CLEC1A: variants seen among roughly 807,000 people sequenced by gnomAD.
CLEC1A encodes C-type lectin domain family 1 member A, also known as C-type lectin-like receptor-1.
A neutral mutation model predicts 28.7 loss-of-function variants in CLEC1A; 34 were observed. That is an observed-to-expected ratio of 1.18 (90% CI 0.90 to 1.57). The LOEUF (loss-of-function observed/expected upper bound fraction) is 1.57, where lower values mean the gene tolerates loss of function less well. Among genes scored for constraint, CLEC1A ranks in the 40% most tolerant of loss-of-function variants. The probability of loss-of-function intolerance (pLI) is 0.00; values close to 1 mark genes in which losing one functional copy is unlikely to be tolerated. For missense variants in CLEC1A, 385 were observed against 339.5 expected (o/e 1.13, Z -1.05); for synonymous variants, 116 against 121.0 (o/e 0.96, Z 0.27).
chr12:10,087,400 T>A (rs1866517219), intron 2 of CLEC1A, among the ~76,000 whole-genome samples: 1 of 143,114 alleles, frequency 7.0e-6, no homozygotes, highest in Non-Finnish European at 1.5e-5. Flanking sequence ...GAAAAAGCAT[T>A]TGACAAAATC....
intron 4 of CLEC1A, among the ~76,000 whole-genome samples, chr12:10,073,678 C>T (rs1057169766): frequency 6.6e-6 from 1 of 152,142 alleles, no homozygotes; most frequent in African/African-American, 2.4e-5. Context: ...GTTCCTGACC[C>T]ATGGCTTTTA....
intron 1 of CLEC1A, among the ~76,000 whole-genome samples, chr12:10,097,990 T>C (rs1012230408): frequency 8.4e-4 from 70 of 83,064 alleles, no homozygotes; most frequent in African/African-American, 2.6e-3. Flanking sequence ...AGAAAGTGAA[T>C]GGAGGGTTTA....
intron 2 of CLEC1A, among the ~76,000 whole-genome samples, chr12:10,088,084 T>A (rs2137360768): frequency 6.6e-6 from 1 of 152,232 alleles, no homozygotes; most frequent in East Asian, 1.9e-4. Flanking sequence ...TGTTATTATT[T>A]TTTCCATGAT....
rs1866179212 is a variant in CLEC1A at position 10,073,337 on chromosome 12, G to C, written c.618C>G (p.Gly206=). The C allele has an allele frequency of 6.2e-7, 1 of 1,614,016 alleles. No individual in the cohort carries two copies. Residue 206 remains glycine, a synonymous_variant, in exon 5 of 6, where the codon GGC becomes GGG. Transcript: ENST00000315330. ...TTCCATCCATCCACAGCCAGGCCTT[G>C]CCACTGTCAGGGCGCAAAAGCCCTG... ...YWTGLLRPDS[G]KAWLWMDGTP...
In CLEC1A at chr12:10,098,833, A is replaced by G. The variant is rs1450797380; in HGVS notation, c.90T>C (p.Thr30=). ...CTGTGCGCCGGGGCTCTGGATGCCG[A>G]GTTGTGGCAGAGCCTTGAGAATGCA... is the stretch of plus-strand genomic sequence containing the variant. The part of the protein sequence containing the change: ...MSLHSQGSAT[T]RHPEPRRTEH... Residue 30 remains threonine (T), a synonymous_variant, in exon 1 of 6, where the codon ACT becomes ACC. Coordinates refer to ENST00000315330, the MANE Select transcript of CLEC1A (RefSeq NM_016511.4). 3.7e-6 allele frequency: 6 copies of G among 1,613,380 alleles called. No homozygotes were observed. The South Asian group carries it at 6.6e-5, about 18-fold the overall frequency.
intron 2 of CLEC1A, among the ~76,000 whole-genome samples, chr12:10,087,543 A>G (rs1223281219): frequency 7.6e-6 from 1 of 131,562 alleles, no homozygotes. Context: ...TTTTAGACAG[A>G]GTCTCACTCT....
At chr12:10,072,635 T>TCC (rs72465483) in intron 5 of CLEC1A, among the ~76,000 whole-genome samples, 2 of 25,936 alleles carry the variant, frequency 7.7e-5, no homozygotes, top group African/African-American at 2.1e-4. Context: ...CAGGGAAAGA[T>TCC]CTCTCTCTCT....
chr12:10,077,990 C>A (rs1866290718), intron 3 of CLEC1A, among the ~76,000 whole-genome samples: 1 of 152,148 alleles, frequency 6.6e-6, no homozygotes, highest in Admixed American at 6.5e-5. Flanking sequence ...AATTCTGGAG[C>A]TGTTTTTGAA....
At chr12:10,073,151 T>C in intron 5 of CLEC1A, 142 bp downstream of exon 5, 1 of 644,554 alleles carries the variant, frequency 1.6e-6, no homozygotes, top group East Asian at 2.6e-5. Context: ...TTCAAATATC[T>C]TCAGGCATCC....
Position 10,080,757 on chromosome 12 carries a change from T to C in CLEC1A, c.391+480A>G, listed in dbSNP as rs554534366. Among the ~76,000 whole-genome samples, 5 of 152,384 alleles carry C rather than the reference T, an allele frequency of 3.3e-5. No individual in the cohort carries two copies. In the East Asian group the frequency reaches 9.6e-4, roughly 29 times the overall value. On this transcript the variant is annotated intron_variant, in intron 3 of 5. Coordinates refer to ENST00000315330, the MANE Select transcript of CLEC1A (RefSeq NM_016511.4). ...CTACCATTGGCACTGTCATCATCTGTGGTCCTTATTAAACTGCATATTTTT... is the reference window on the plus strand; with the variant it reads ...CTACCATTGGCACTGTCATCATCTGCGGTCCTTATTAAACTGCATATTTTT...
intron 2 of CLEC1A, chr12:10,084,384 GCTGCACTCTCC>G (rs1212391557): frequency 1.3e-5 from 2 of 152,186 alleles, no homozygotes; most frequent in African/African-American, 4.8e-5. Context: ...TATATGTGTA[GCTGCACTCTCC>G]TGCTAGAACC....
chr12:10,096,114 CAT>C (rs368700295), intron 1 of CLEC1A, among the ~76,000 whole-genome samples: 465 of 152,290 alleles, frequency 3.1e-3, no homozygotes, highest in African/African-American at 0.011. Context: ...GTAATTCCCA[CAT>C]GTCTATGTAG....
intron 1 of CLEC1A, among the ~76,000 whole-genome samples, chr12:10,094,622 A>G (rs1158704597): frequency 1.3e-5 from 2 of 152,182 alleles, no homozygotes; most frequent in African/African-American, 2.4e-5. Flanking sequence ...GACTGATTCC[A>G]GAGCTGGACA....
intron 3 of CLEC1A, among the ~76,000 whole-genome samples, chr12:10,079,212 G>A (rs1260024564): frequency 6.6e-6 from 1 of 152,150 alleles, no homozygotes; most frequent in Non-Finnish European, 1.5e-5. Context: ...TAGGCATTCA[G>A]TAAATACTCC....
At chr12:10,078,103 C>T (rs559657665) in intron 3 of CLEC1A, among the ~76,000 whole-genome samples, 90 of 152,294 alleles carry the variant, frequency 5.9e-4, no homozygotes, top group African/African-American at 2.1e-3. Flanking sequence ...ATTTTAGTAA[C>T]AGCCATCTCT....
chr12:10,081,155 C>T (rs922508367), intron 3 of CLEC1A, 82 bp downstream of exon 3: 7 of 1,249,416 alleles, frequency 5.6e-6, no homozygotes, highest in Non-Finnish European at 7.7e-6. Context: ...TTAAATAATA[C>T]TTGACTCTCA....
rs575776776 is a variant in CLEC1A at position 10,098,943 on chromosome 12, G to C, written c.-21C>G. The C allele has an allele frequency of 4.4e-6, 7 of 1,579,950 alleles. No individual in the cohort carries two copies. The African/African-American group carries it at 6.7e-5, about 15-fold the overall frequency. ...TGCATCTGGATTCCTACAGCGGTGA[G>C]AGTGAAATGTGGTCGGATTGCCCTG... On this transcript the variant is annotated 5_prime_UTR_variant, in exon 1 of 6. Coordinates refer to ENST00000315330, the MANE Select transcript of CLEC1A (RefSeq NM_016511.4).
chr12:10,093,389 C>CAGAGCTGGACA (rs1947733529), intron 1 of CLEC1A, among the ~76,000 whole-genome samples: 1 of 86,664 alleles, frequency 1.2e-5, no homozygotes, highest in South Asian at 3.6e-4. Flanking sequence ...AAAAAAAAAC[C>CAGAGCTGGACA]TTTCCTGTAT....
chr12:10,071,204 A>C lies in CLEC1A; in HGVS notation c.*129T>G. The C allele has an allele frequency of 1.2e-6, 1 of 819,426 alleles. No individual in the cohort carries two copies. The highest frequency in any genetic ancestry group is 2.1e-5 in the South Asian group (1 of 47,686). The allele number at this position is 819,426 out of a possible 1,614,324, so 50.8% of individuals were successfully genotyped here. ...ATGCTGGTGATCCTGAACAGGAAAC[A>C]CGAGAACCCATTTTGTACTAGTCAG... On this transcript the variant is annotated 3_prime_UTR_variant, in exon 6 of 6. Transcript: ENST00000315330.
Sources: allele counts gnomAD v4.1 joint callset (sites outside exome capture counted in the v4.1 genomes callset), GRCh38; gene constraint gnomAD v4.1.1; transcripts MANE v1.5; gene names NCBI Gene and HGNC (gene_info 2026-07-23, HGNC 2026-07-21).